Variants in ALLC observed in about 807,000 individuals in gnomAD.
The protein encoded by ALLC is probable inactive allantoicase.
In ALLC, 40 loss-of-function variants were observed where a neutral mutation model predicts 45.0. The ratio of observed to expected loss-of-function variants is 0.89; its 90% CI spans 0.69 to 1.16. The LOEUF is 1.16. ALLC is among the 50% of genes most tolerant of loss of function. The pLI is 0.00. For synonymous variants in ALLC, 176 were observed against 178.1 expected (o/e 0.99, Z 0.09); for missense variants, 488 against 493.1 (o/e 0.99, Z 0.10).
intron 1 of ALLC, among the ~76,000 whole-genome samples, chr2:3,667,683 G>A (rs1017126074): frequency 3.3e-5 from 5 of 152,224 alleles, no homozygotes; most frequent in Admixed American, 6.5e-5. Context: ...ATGTTAGGGG[G>A]TTCACTAAGG....
At chr2:3,697,287 G>A (rs1009437353) in intron 9 of ALLC, 61 bp from the exon 10 acceptor site, 10 of 1,314,178 alleles carry the variant, frequency 7.6e-6, no homozygotes, top group Admixed American at 5.3e-5. Context: ...GTTGGTTTTC[G>A]GGACTGGTTT....
rs1179550932 is a variant in ALLC, at chr2:3,661,096, G to A, written c.-63+2802G>A. Among the ~76,000 whole-genome samples the A allele has an allele frequency of 3.3e-5, 5 of 152,012 alleles. No homozygotes were observed. In the South Asian group the frequency reaches 6.2e-4, roughly 19 times the overall value. Reference sequence around the variant, plus strand: ...TCGGACTCATCTGCATTCACAACCCGTCCCCCTCCCTGTTCATTAGCTGAA... The same window carrying A: ...TCGGACTCATCTGCATTCACAACCCATCCCCCTCCCTGTTCATTAGCTGAA... On this transcript the variant is annotated intron_variant, in intron 1 of 11. Coordinates refer to ENST00000252505, the MANE Select transcript of ALLC (RefSeq NM_018436.4).
chr2:3,687,223 T>C (rs1412876469), intron 7 of ALLC, among the ~76,000 whole-genome samples: 1 of 151,044 alleles, frequency 6.6e-6, no homozygotes, highest in Non-Finnish European at 1.5e-5. Flanking sequence ...CTTGGTTCAG[T>C]TAGTGATGTG....
intron 10 of ALLC, among the ~76,000 whole-genome samples, chr2:3,697,807 A>G (rs2148022719): frequency 6.6e-6 from 1 of 151,812 alleles, no homozygotes; most frequent in East Asian, 1.9e-4. Flanking sequence ...CTGGGATTAC[A>G]GGCATCCTAG....
chr2:3,673,677 A>G (rs1666949655), intron 2 of ALLC, among the ~76,000 whole-genome samples: 1 of 152,218 alleles, frequency 6.6e-6, no homozygotes, highest in African/African-American at 2.4e-5. Context: ...AGGGTGACCT[A>G]TGGCGGCCCT....
At position 3,701,641 on chromosome 2, in the gene ALLC, G is replaced by A. The variant is rs372929664; in HGVS notation, c.975+5G>A. ...CCACTGCTTCCAGTGACCAAGGTTC[G>A]TGTGGCATGTTATTCGGATCCAGCA... On this transcript the variant is annotated splice_donor_5th_base_variant and intron_variant, in intron 11 of 11. Coordinates refer to ENST00000252505, the MANE Select transcript of ALLC (RefSeq NM_018436.4). The A allele has an allele frequency of 6.7e-4, 1,079 of 1,609,622 alleles. No homozygotes were observed. The highest frequency in any genetic ancestry group is 1.4e-3 in the Admixed American group (82 of 59,794).
intron 4 of ALLC, among the ~76,000 whole-genome samples, chr2:3,679,530 G>A (rs1667115462): frequency 6.6e-6 from 1 of 152,194 alleles, no homozygotes; most frequent in Admixed American, 6.5e-5. Flanking sequence ...TTACAGTTGA[G>A]AAAATGAGAT....
At chr2:3,676,875 C>T (rs906579996) in intron 3 of ALLC, among the ~76,000 whole-genome samples, 2 of 151,538 alleles carry the variant, frequency 1.3e-5, no homozygotes, top group African/African-American at 4.9e-5. Context: ...ACAACCTCCA[C>T]CTCCTGGGTT....
chr2:3,677,236 C>T (rs866684374), intron 3 of ALLC, among the ~76,000 whole-genome samples: 2 of 152,214 alleles, frequency 1.3e-5, no homozygotes, highest in Non-Finnish European at 2.9e-5. Flanking sequence ...CCAATCACAA[C>T]AGCAGCAGTA....
upstream of ALLC, among the ~76,000 whole-genome samples, chr2:3,656,084 G>A (rs1358614770): frequency 1.3e-5 from 2 of 152,258 alleles, no homozygotes; most frequent in African/African-American, 2.4e-5. Flanking sequence ...CCCACCTAGT[G>A]AGCGGGACAC....
intron 4 of ALLC, among the ~76,000 whole-genome samples, chr2:3,678,908 C>G (rs947824758): frequency 5.9e-5 from 9 of 152,170 alleles, no homozygotes; most frequent in African/African-American, 9.7e-5. Context: ...GAGTAGGTCT[C>G]TTTATCCCCG....
chr2:3,650,079 C>G, the ALLC span, among the ~76,000 whole-genome samples: 2 of 152,252 alleles, frequency 1.3e-5, no homozygotes, highest in Non-Finnish European at 2.9e-5. Context: ...GTCTTCACCC[C>G]TTTCTCCCCT....
chr2:3,649,480 A>G, the ALLC span, among the ~76,000 whole-genome samples: 1 of 152,168 alleles, frequency 6.6e-6, no homozygotes, highest in Admixed American at 6.5e-5. Flanking sequence ...TGACCTCGTG[A>G]TCCACCCGCC....
chr2:3,694,792 C>T (rs1667616618), intron 7 of ALLC: 1 of 152,050 alleles, frequency 6.6e-6, no homozygotes, highest in East Asian at 1.9e-4. Flanking sequence ...AAAATAAAAA[C>T]ATATAGGGCA....
chr2:3,696,968 G>A (rs1047317542), intron 9 of ALLC, among the ~76,000 whole-genome samples: 1 of 152,156 alleles, frequency 6.6e-6, no homozygotes, highest in Admixed American at 6.5e-5. Context: ...AGGTTTGAAC[G>A]CACATCATGT....
intron 6 of ALLC, among the ~76,000 whole-genome samples, chr2:3,682,652 A>C (rs193165052): frequency 6.6e-6 from 1 of 152,152 alleles, no homozygotes; most frequent in African/African-American, 2.4e-5. Flanking sequence ...CAGCCTCCCG[A>C]GTAGCTGGGA....
chr2:3,674,675 A>G (rs1666976694), intron 3 of ALLC, among the ~76,000 whole-genome samples: 1 of 152,196 alleles, frequency 6.6e-6, no homozygotes, highest in African/African-American at 2.4e-5. Context: ...GGCAGCGGCC[A>G]TCTGGTTACC....
At position 3,701,573 on chromosome 2, in the gene ALLC, C is replaced by G; in HGVS notation, c.912C>G (p.Ala304=). 6.2e-7 allele frequency: 1 copy of G among 1,600,626 alleles called. No individual in the cohort carries two copies. The highest frequency in any genetic ancestry group is 2.2e-5 in the East Asian group (1 of 44,626). Reference sequence around the variant, plus strand: ...TCCTGACAACTCAGGAAGAAGAAGCCGTGATCAGGCAAAAGTGGATTCTCC... The same window carrying G: ...TCCTGACAACTCAGGAAGAAGAAGCGGTGATCAGGCAAAAGTGGATTCTCC... ...GCILTTQEEE[A]VIRQKWILPA... is the part of the protein sequence containing the mutation. Residue 304 remains alanine, a synonymous_variant, in exon 11 of 12, where the codon GCC becomes GCG. Transcript: ENST00000252505.
At chr2:3,653,472 T>C (rs1334519386), upstream of ALLC, among the ~76,000 whole-genome samples, 2 of 152,222 alleles carry the variant, frequency 1.3e-5, no homozygotes, top group Non-Finnish European at 2.9e-5. The surrounding 1 kb of genome is among the most constrained non-coding windows in gnomAD (Gnocchi z 4.1). Flanking sequence ...GTGGCCCAAG[T>C]GGACCTGCGT....
Sources: gnomAD v4.1 joint callset for allele counts (sites outside exome capture counted in the v4.1 genomes callset) on GRCh38, gnomAD v4.1.1 for gene constraint, Gnocchi (gnomAD v3.1) non-coding constraint, MANE v1.5 for transcripts, NCBI Gene and HGNC (gene_info 2026-07-23, HGNC 2026-07-21) for gene names.